Variants in CNDP1 observed in about 807,000 individuals in gnomAD.
The protein encoded by CNDP1 is beta-Ala-His dipeptidase.
CNDP1 carries 44 observed loss-of-function variants against 58.1 expected under a neutral mutation model. That is an observed-to-expected ratio of 0.76 (90% confidence interval 0.60 to 0.97). CNDP1 has a LOEUF of 0.97. CNDP1 is among the 50% of genes least tolerant of loss of function. CNDP1 has a pLI of 0.00. For missense variants in CNDP1, 616 were observed against 655.1 expected (o/e 0.94, Z 0.65); for synonymous variants, 254 against 252.6 (o/e 1.01, Z -0.05).
chr18:74,541,249 G>A (rs1980617205), intron 1 of CNDP1, among the ~76,000 whole-genome samples: 3 of 152,200 alleles, frequency 2.0e-5, no homozygotes, highest in South Asian at 2.1e-4. Context: ...CAGAGGCACC[G>A]TTTAGCTGCC....
At chr18:74,543,549 T>A (rs2144641085) in intron 1 of CNDP1, among the ~76,000 whole-genome samples, 1 of 148,198 alleles carries the variant, frequency 6.7e-6, no homozygotes, top group African/African-American at 2.5e-5. Context: ...TAAAAACAGA[T>A]GGGTATTAAA....
In CNDP1 at chr18:74,584,810, C is replaced by T; in HGVS notation, c.*248C>T. On this transcript the variant is annotated 3_prime_UTR_variant, in exon 12 of 12. Transcript: ENST00000358821. ...ATAGCTGCTTGCAGCAACTTGATTT[C>T]CCCAAGTCCTGTGCAATAGCCCCAG... The T allele has an allele frequency of 4.3e-6, 2 of 461,612 alleles. No individual in the cohort carries two copies. The highest frequency in any genetic ancestry group is 7.8e-6 in the Non-Finnish European group (2 of 256,342). 28.6% of individuals were successfully genotyped at this position (461,612 alleles called of 1,614,324 possible).
At chr18:74,558,524 A>G (rs2144654360) in intron 2 of CNDP1, among the ~76,000 whole-genome samples, 1 of 150,896 alleles carries the variant, frequency 6.6e-6, no homozygotes, top group Non-Finnish European at 1.5e-5. Context: ...CCTCCCAAGT[A>G]GCTGGGACTA....
At chr18:74,559,010 G>T (rs953020137) in intron 2 of CNDP1, among the ~76,000 whole-genome samples, 5 of 152,114 alleles carry the variant, frequency 3.3e-5, no homozygotes, top group African/African-American at 1.2e-4. Context: ...GAAACAGTGG[G>T]TGGGGACTTG....
At chr18:74,537,775 C>T (rs901443187) in intron 1 of CNDP1, among the ~76,000 whole-genome samples, 1 of 152,154 alleles carries the variant, frequency 6.6e-6, no homozygotes, top group Non-Finnish European at 1.5e-5. Context: ...GACTCTGGGA[C>T]CAGGAAGCTC....
chr18:74,582,589 C>G (rs1395364874), intron 10 of CNDP1, among the ~76,000 whole-genome samples: 10 of 152,144 alleles, frequency 6.6e-5, no homozygotes, highest in Non-Finnish European at 1.5e-4. Context: ...AAATGCATGA[C>G]CTCTTGCAAT....
At chr18:74,540,317 C>A (rs1238568572) in intron 1 of CNDP1, among the ~76,000 whole-genome samples, 1 of 152,056 alleles carries the variant, frequency 6.6e-6, no homozygotes, top group African/African-American at 2.4e-5. Context: ...ACTGCCACAC[C>A]CAACTAATTT....
intron 5 of CNDP1, among the ~76,000 whole-genome samples, chr18:74,564,109 CTTA>C (rs1430377431): frequency 6.6e-6 from 1 of 152,196 alleles, no homozygotes; most frequent in Non-Finnish European, 1.5e-5. Flanking sequence ...TACCACATAA[CTTA>C]TTATTCTCTC....
At position 74,544,112 on chromosome 18, in the gene CNDP1, C is replaced by T. The variant is rs1980697537; in HGVS notation, c.24+9421C>T. On this transcript the variant is annotated intron_variant, in intron 1 of 11. Coordinates refer to ENST00000358821, the MANE Select transcript of CNDP1 (RefSeq NM_032649.6). ...ACAAAAAGCTTAAAAAATAAGCCGG[C>T]TTGGTGTTGCACACCTGTAGTCCCA... Among the ~76,000 whole-genome samples the T allele has an allele frequency of 2.0e-5, 3 of 151,962 alleles. No homozygotes were observed. In the South Asian group the frequency reaches 6.2e-4, roughly 32 times the overall value.
intron 1 of CNDP1, 127 bp downstream of exon 1, chr18:74,534,818 A>G (rs970016563): frequency 5.1e-6 from 5 of 973,428 alleles, no homozygotes; most frequent in Non-Finnish European, 8.2e-6. Context: ...GCTGCTCCTC[A>G]TGGTGTTCTT....
Position 74,567,395 on chromosome 18 carries a change from A to C in CNDP1, c.718A>C (p.Thr240Pro), listed in dbSNP as rs764536721. The C allele has an allele frequency of 1.9e-5, 30 of 1,614,002 alleles. No individual in the cohort carries two copies. The highest frequency in any genetic ancestry group is 2.5e-5 in the Non-Finnish European group (29 of 1,179,976). The change falls in exon 6 of 12, where the codon ACT becomes CCT. Residue 240 changes from threonine to proline, a missense_variant. By Grantham distance (38) the Thr-to-Pro change is conservative. Coordinates refer to ENST00000358821, the MANE Select transcript of CNDP1 (RefSeq NM_032649.6). ...LWISQRKPAI[T>P]YGTRGNSYFM... ...GATCAGCCAAAGGAAGCCAGCAATC[A>C]CTTACGGAACCCGGGGGAACAGCTA...
chr18:74,578,482 C>T (rs1981692261), intron 9 of CNDP1, among the ~76,000 whole-genome samples, 155 bp downstream of exon 9: 1 of 152,074 alleles, frequency 6.6e-6, no homozygotes, highest in Non-Finnish European at 1.5e-5. Flanking sequence ...ACCAATATTG[C>T]CCAGTGCAGT....
intron 8 of CNDP1, chr18:74,577,820 C>T (rs1162508175): frequency 3.7e-5 from 7 of 189,334 alleles, no homozygotes; most frequent in South Asian, 1.8e-4. Flanking sequence ...ATTGAACCCA[C>T]GTTTCTGAAA....
At chr18:74,546,200 T>C (rs1375244003) in intron 1 of CNDP1, among the ~76,000 whole-genome samples, 1 of 152,208 alleles carries the variant, frequency 6.6e-6, no homozygotes, top group African/African-American at 2.4e-5. Flanking sequence ...CCGGAAGTAG[T>C]GCAAAGTGGT....
chr18:74,579,628 G>C (rs1383358002), intron 9 of CNDP1, among the ~76,000 whole-genome samples: 1 of 152,180 alleles, frequency 6.6e-6, no homozygotes, highest in Non-Finnish European at 1.5e-5. Flanking sequence ...GGAGGGGAGA[G>C]AACGAGGCTG....
At chr18:74,579,202 TGCCTTCCCTTCC>T (rs1385635472) in intron 9 of CNDP1, among the ~76,000 whole-genome samples, 1 of 84,564 alleles carries the variant, frequency 1.2e-5, no homozygotes, top group Non-Finnish European at 2.4e-5. Flanking sequence ...TCCCTTCCCT[TGCCTTCCCTTCC>T]CTTCCCTTCC....
intron 1 of CNDP1, among the ~76,000 whole-genome samples, chr18:74,547,459 C>A (rs1187072163): frequency 2.6e-5 from 4 of 152,344 alleles, no homozygotes; most frequent in Admixed American, 6.5e-5. Context: ...TTCTTCTGTT[C>A]AACACCCAAA....
intron 1 of CNDP1, among the ~76,000 whole-genome samples, chr18:74,553,391 T>C (rs1024747509): frequency 2.6e-5 from 4 of 152,222 alleles, no homozygotes; most frequent in Non-Finnish European, 4.4e-5. Context: ...TGTATGGTTT[T>C]AGTACTTTCA....
intron 1 of CNDP1, among the ~76,000 whole-genome samples, chr18:74,538,192 G>T (rs373119629): frequency 6.6e-6 from 1 of 151,910 alleles, no homozygotes; most frequent in African/African-American, 2.4e-5. Flanking sequence ...CCTCCTATTC[G>T]CCCCTCCCTC....
Sources: allele counts gnomAD v4.1 joint callset (sites outside exome capture counted in the v4.1 genomes callset), GRCh38; gene constraint gnomAD v4.1.1; transcripts MANE v1.5; gene names NCBI Gene and HGNC (gene_info 2026-07-23, HGNC 2026-07-21).